ZMYND12: variants seen among roughly 807,000 people sequenced by gnomAD.
ZMYND12 encodes the protein zinc finger MYND-type containing 12, also known as zinc finger MYND domain-containing protein 12.
ZMYND12 carries 32 observed loss-of-function variants against 41.7 expected under a neutral mutation model. That is an observed-to-expected ratio of 0.77 (90% CI 0.58 to 1.03). The LOEUF is 1.03. Among genes scored for constraint, ZMYND12 ranks in the 50% least tolerant of loss-of-function variants. The pLI is 0.00. For missense variants in ZMYND12, 424 were observed against 438.5 expected (o/e 0.97, Z 0.30); for synonymous variants, 148 against 164.8 (o/e 0.90, Z 0.78).
At chr1:42,438,227 G>A (rs1364560583) in intron 4 of ZMYND12, among the ~76,000 whole-genome samples, 1 of 152,160 alleles carries the variant, frequency 6.6e-6, no homozygotes, top group Non-Finnish European at 1.5e-5. Context: ...AGCCCAGGTG[G>A]AACTAGATGG....
intron 1 of ZMYND12, among the ~76,000 whole-genome samples, chr1:42,451,118 A>C (rs1037613616): frequency 3.3e-5 from 5 of 152,170 alleles, no homozygotes; most frequent in African/African-American, 1.2e-4. Context: ...TTCAAGTCTT[A>C]TATTTCCTTG....
At chr1:42,433,692 C>T (rs1037441714) in intron 6 of ZMYND12, among the ~76,000 whole-genome samples, 33 of 152,182 alleles carry the variant, frequency 2.2e-4, no homozygotes, top group Admixed American at 9.2e-4. Context: ...GAGGAGAGAA[C>T]TGGGGGAAGG....
chr1:42,439,079 T>A (rs935859379), intron 4 of ZMYND12, among the ~76,000 whole-genome samples: 5 of 152,218 alleles, frequency 3.3e-5, no homozygotes, highest in African/African-American at 9.6e-5. Context: ...ATATTACTGT[T>A]ATTTTTTAAA....
intron 1 of ZMYND12, among the ~76,000 whole-genome samples, chr1:42,452,334 G>A (rs946561854): frequency 2.0e-5 from 3 of 152,168 alleles, no homozygotes; most frequent in African/African-American, 7.2e-5. Flanking sequence ...CCTGACTAAA[G>A]ACATTTAAAT....
intron 1 of ZMYND12, among the ~76,000 whole-genome samples, chr1:42,450,999 T>C (rs1475931730): frequency 1.3e-5 from 2 of 152,362 alleles, no homozygotes; most frequent in East Asian, 3.9e-4. Context: ...GTCTAATATA[T>C]GTTCTATCCT....
chr1:42,449,725 A>T (rs1031758316), intron 2 of ZMYND12, among the ~76,000 whole-genome samples, 193 bp downstream of exon 2: 1 of 152,256 alleles, frequency 6.6e-6, no homozygotes, highest in Admixed American at 6.5e-5. Flanking sequence ...CAGTGCTAGC[A>T]GACTAATACA....
intron 3 of ZMYND12, among the ~76,000 whole-genome samples, chr1:42,440,635 T>C (rs1158106024): frequency 6.6e-6 from 1 of 152,112 alleles, no homozygotes; most frequent in Non-Finnish European, 1.5e-5. Context: ...ACCTTCAGAA[T>C]GTGCTAAAAC....
In ZMYND12 at chr1:42,448,455, G is replaced by T. The variant is rs112527617; in HGVS notation, c.424+12C>A. On this transcript the variant is annotated intron_variant, in intron 3 of 7. Transcript: ENST00000372565. ...TTAAGGGATCCAAGGATCTCAAGTC[G>T]GTTTCACTCACCAAGGCTGGCCTCG... 15 of 1,571,308 alleles carry T rather than the reference G, an allele frequency of 9.5e-6. No individual in the cohort carries two copies. The highest frequency in any genetic ancestry group is 9.5e-6 in the Non-Finnish European group (11 of 1,157,320).
At chr1:42,436,686 T>G in intron 4 of ZMYND12, 143 bp from the exon 5 acceptor site, 1 of 983,320 alleles carries the variant, frequency 1.0e-6, no homozygotes, top group South Asian at 1.7e-5. Flanking sequence ...TTGACATTTC[T>G]CCAAAAAGAT....
chr1:42,444,870 C>T (rs980865218), intron 3 of ZMYND12, among the ~76,000 whole-genome samples: 4 of 136,988 alleles, frequency 2.9e-5, no homozygotes, highest in South Asian at 4.6e-4. Flanking sequence ...AGTAGTGGTG[C>T]GATCTCCTCT....
At chr1:42,449,526 C>G (rs7547205) in intron 2 of ZMYND12, among the ~76,000 whole-genome samples, 6,209 of 152,240 alleles carry the variant, frequency 0.041, 426 homozygotes, top group African/African-American at 0.14. Context: ...AAAGAGATAC[C>G]AGGCATGCTT....
intron 5 of ZMYND12, 119 bp downstream of exon 5, chr1:42,436,302 C>T: frequency 1.4e-6 from 2 of 1,452,454 alleles, no homozygotes; most frequent in Non-Finnish European, 1.9e-6. Context: ...GGGCAAGCCA[C>T]TTCATCTCTC....
intron 7 of ZMYND12, among the ~76,000 whole-genome samples, chr1:42,432,471 C>T (rs1642863588): frequency 6.6e-6 from 1 of 152,166 alleles, no homozygotes. Context: ...ACGTATGGAT[C>T]ACCACTGTAT....
chr1:42,430,673 G>C lies in ZMYND12; in HGVS notation c.*63C>G. The C allele has an allele frequency of 6.3e-7, 1 of 1,592,996 alleles. No individual in the cohort carries two copies. The highest frequency in any genetic ancestry group is 8.6e-7 in the Non-Finnish European group (1 of 1,163,572). The stretch of plus-strand genomic sequence containing the variant: ...CAGTACCTCAAAGCAGTTGTGCAAG[G>C]CTGGAATATATTAGATCTTCAGTAG... On this transcript the variant is annotated 3_prime_UTR_variant, in exon 8 of 8. Transcript: ENST00000372565.
intron 1 of ZMYND12, among the ~76,000 whole-genome samples, chr1:42,450,979 T>C (rs1320138321): frequency 6.6e-6 from 1 of 152,252 alleles, no homozygotes; most frequent in African/African-American, 2.4e-5. Flanking sequence ...TTATTGAGAT[T>C]TATTTTATGG....
In ZMYND12 at chr1:42,439,086, T is replaced by A. The variant is rs180789973; in HGVS notation, c.594+770A>T. ...AAGTAGAGATATTACTGTTATTTTT[T>A]AAAATAATAGCCAAGGTACTATACA... On this transcript the variant is annotated intron_variant, in intron 4 of 7. Coordinates refer to ENST00000372565, the MANE Select transcript of ZMYND12 (RefSeq NM_032257.5). 3.8e-3 allele frequency among the ~76,000 whole-genome samples: 573 copies of A among 152,306 alleles called. 1 individual carries two copies. The highest frequency in any genetic ancestry group is 0.012 in the African/African-American group (506 of 41,572).
At chr1:42,438,736 G>C (rs1388320896) in intron 4 of ZMYND12, among the ~76,000 whole-genome samples, 1 of 152,154 alleles carries the variant, frequency 6.6e-6, no homozygotes, top group Admixed American at 6.5e-5. Context: ...AGAATAACCA[G>C]CGTAAAATTT....
intron 6 of ZMYND12, among the ~76,000 whole-genome samples, chr1:42,434,291 A>T (rs1642883789): frequency 6.6e-6 from 1 of 152,142 alleles, no homozygotes; most frequent in South Asian, 2.1e-4. Flanking sequence ...TGGCCCGGGG[A>T]ATACAGTTTA....
At chr1:42,446,108 A>C (rs1385387361) in intron 3 of ZMYND12, among the ~76,000 whole-genome samples, 2 of 152,178 alleles carry the variant, frequency 1.3e-5, no homozygotes, top group Non-Finnish European at 2.9e-5. Context: ...CATGCAGCAG[A>C]GGCAGCCTGG....
Sources: gnomAD v4.1 joint callset for allele counts (sites outside exome capture counted in the v4.1 genomes callset) on GRCh38, gnomAD v4.1.1 for gene constraint, MANE v1.5 for transcripts, NCBI Gene and HGNC (gene_info 2026-07-23, HGNC 2026-07-21) for gene names.